ABCA13: variants seen among roughly 807,000 people sequenced by gnomAD.
ABCA13 encodes ATP binding cassette subfamily A member 13.
ABCA13 carries 476 observed loss-of-function variants against 478.7 expected under a neutral mutation model. That is an observed-to-expected ratio of 0.99 (90% CI 0.92 to 1.07). The LOEUF (loss-of-function observed/expected upper bound fraction) is 1.07, where lower values mean the gene tolerates loss of function less well. Ranked by LOEUF, ABCA13 falls within the 50% of genes least tolerant of loss-of-function variation. ABCA13 has a pLI of 0.00. For missense variants in ABCA13, 6,060 were observed against 5,910.6 expected (o/e 1.03, Z -0.83); for synonymous variants, 2,252 against 2,158.9 (o/e 1.04, Z -1.20).
chr7:48,556,710 G>T (rs1785867322), intron 55 of ABCA13, among the ~76,000 whole-genome samples: 1 of 151,752 alleles, frequency 6.6e-6, no homozygotes, highest in African/African-American at 2.4e-5. Context: ...TAGGAAAAAT[G>T]TATTTCTTGT....
At chr7:48,201,190 T>C (rs568586790) in intron 3 of ABCA13, among the ~76,000 whole-genome samples, 1 of 152,328 alleles carries the variant, frequency 6.6e-6, no homozygotes, top group South Asian at 2.1e-4. Context: ...AGTATAGCAA[T>C]GGCGGTTTCC....
At chr7:48,501,498 A>G (rs755463614) in intron 48 of ABCA13, among the ~76,000 whole-genome samples, 1 of 152,156 alleles carries the variant, frequency 6.6e-6, no homozygotes, top group Non-Finnish European at 1.5e-5. Context: ...TGTAAATTAT[A>G]GGACTCTAAA....
In ABCA13 at chr7:48,412,583, G is replaced by GGTAC; in HGVS notation, c.12459+1_12459+4dup. On this transcript the variant is annotated frameshift_variant and splice_region_variant. Coordinates refer to ENST00000435803, the MANE Select transcript of ABCA13 (RefSeq NM_152701.5). LOFTEE classifies it high-confidence loss of function. ...GGATCTCAGACACCACCTTAGAAGAGGTACTGAGAAAACTGAAGCGTGCTT... is the reference window on the plus strand; with the variant it reads ...GGATCTCAGACACCACCTTAGAAGAGGTACGTACTGAGAAAACTGAAGCGTGCTT... 6.3e-7 allele frequency: 1 copy of GGTAC among 1,591,096 alleles called. No homozygotes were observed. Among genetic ancestry groups the GGTAC allele is most frequent in the Non-Finnish European group, 8.6e-7 (1 of 1,168,912 alleles).
chr7:48,391,994 C>T lies in ABCA13; in HGVS notation c.11728C>T (p.Leu3910=). The T allele has an allele frequency of 6.2e-7, 1 of 1,613,988 alleles. No individual in the cohort carries two copies. Among genetic ancestry groups the T allele is most frequent in the South Asian group, 1.1e-5 (1 of 91,088 alleles). The change falls in exon 38 of 62, where the codon CTG becomes TTG. Residue 3910 remains leucine (L), a synonymous_variant. Coordinates refer to ENST00000435803, the MANE Select transcript of ABCA13 (RefSeq NM_152701.5). ...CAATGGCAAGAACCTACAGACAGAC[C>T]TGTCGAGGGTCAGAATGGAGCTTGG... ...IINGKNLQTD[L]SRVRMELGVC...
At chr7:48,413,609 A>G (rs1352514647) in intron 41 of ABCA13, among the ~76,000 whole-genome samples, 4 of 152,146 alleles carry the variant, frequency 2.6e-5, no homozygotes, top group East Asian at 1.9e-4. Context: ...AATTTTTAAA[A>G]ATCTGCAAAA....
chr7:48,623,848 C>T (rs1793395099), intron 59 of ABCA13, among the ~76,000 whole-genome samples: 1 of 152,236 alleles, frequency 6.6e-6, no homozygotes, highest in African/African-American at 2.4e-5. Context: ...TTTCTGTTCC[C>T]AAGGAAGATA....
At position 48,240,968 on chromosome 7, in the gene ABCA13, G is replaced by C. The variant is rs760059835; in HGVS notation, c.1164G>C (p.Lys388Asn). 24 of 1,613,890 alleles carry C rather than the reference G, an allele frequency of 1.5e-5. No individual in the cohort carries two copies. Among genetic ancestry groups the C allele is most frequent in the Non-Finnish European group, 2.0e-5 (24 of 1,179,782 alleles). ...GGAATCAGTTTGAAGAAGAGAGCAA[G>C]CCCTGGAAGGTGGTGGAAGCTCTGC... ...ALRNQFEEESKPWKVVEALHT... is the reference protein window; with the variant it reads ...ALRNQFEEESNPWKVVEALHT... The change falls in exon 10 of 62, where the codon AAG (lysine) becomes AAC (asparagine). Residue 388 changes from lysine (K) to asparagine (N), a missense_variant. Physicochemically the swap from Lys to Asn is moderately conservative, Grantham distance 94. Coordinates refer to ENST00000435803, the MANE Select transcript of ABCA13 (RefSeq NM_152701.5).
intron 57 of ABCA13, 87 bp from the exon 58 acceptor site, chr7:48,594,623 C>A: frequency 7.9e-7 from 1 of 1,260,220 alleles, no homozygotes; most frequent in Non-Finnish European, 1.2e-6. Flanking sequence ...ATTTTTCTTT[C>A]ACCTGGGGTC....
chr7:48,578,147 C>T (rs1788367130), intron 55 of ABCA13, among the ~76,000 whole-genome samples: 1 of 152,110 alleles, frequency 6.6e-6, no homozygotes, highest in African/African-American at 2.4e-5. Context: ...CTACCTTTCT[C>T]CTAAGTTTGG....
chr7:48,592,508 T>C (rs1789862537), intron 57 of ABCA13, among the ~76,000 whole-genome samples: 1 of 151,920 alleles, frequency 6.6e-6, no homozygotes, highest in Non-Finnish European at 1.5e-5. Context: ...TGGTCTCTCC[T>C]GGAGAGTATT....
At position 48,489,364 on chromosome 7, in the gene ABCA13, A is replaced by G; in HGVS notation, c.13291+20A>G. 3 of 1,533,520 alleles carry G rather than the reference A, an allele frequency of 2.0e-6. No homozygotes were observed. Among genetic ancestry groups the G allele is most frequent in the Non-Finnish European group, 1.8e-6 (2 of 1,118,132 alleles). The allele number at this position is 1,533,520 out of a possible 1,614,324, so 95.0% of individuals were successfully genotyped here. On this transcript the variant is annotated intron_variant, in intron 48 of 61. Coordinates refer to ENST00000435803, the MANE Select transcript of ABCA13 (RefSeq NM_152701.5). ...AATACGGTAATGTTATTTTTCATGC[A>G]TTGTAATTCACTACTTTCAAAAGAC...
chr7:48,462,867 A>G (rs1416192510), intron 43 of ABCA13, among the ~76,000 whole-genome samples: 1 of 151,518 alleles, frequency 6.6e-6, no homozygotes, highest in East Asian at 1.9e-4. Context: ...TTTTTCCTTT[A>G]CCTCCTTTTA....
intron 23 of ABCA13, among the ~76,000 whole-genome samples, chr7:48,301,128 G>A (rs1800093231): frequency 6.6e-6 from 1 of 152,156 alleles, no homozygotes; most frequent in Non-Finnish European, 1.5e-5. Flanking sequence ...AGTCCTCAGT[G>A]GATTCATTCT....
chr7:48,218,384 T>C (rs939551040), intron 3 of ABCA13, among the ~76,000 whole-genome samples: 4 of 152,176 alleles, frequency 2.6e-5, no homozygotes, highest in African/African-American at 7.2e-5. Context: ...AAGGCCACAC[T>C]TAAAAGGTAA....
chr7:48,561,845 C>T (rs1410727015), intron 55 of ABCA13, among the ~76,000 whole-genome samples: 3 of 151,454 alleles, frequency 2.0e-5, no homozygotes, highest in Admixed American at 1.3e-4. Context: ...TTTTTTCCTA[C>T]GAATGTTATA....
At chr7:48,327,363 A>C (rs919630534) in intron 27 of ABCA13, among the ~76,000 whole-genome samples, 7 of 152,190 alleles carry the variant, frequency 4.6e-5, no homozygotes, top group Non-Finnish European at 1.0e-4. Flanking sequence ...CCCGTTATTT[A>C]ATTACCTCCC....
At chr7:48,198,790 G>T (rs1035717757) in intron 3 of ABCA13, among the ~76,000 whole-genome samples, 14 of 152,144 alleles carry the variant, frequency 9.2e-5, no homozygotes, top group African/African-American at 3.1e-4. Context: ...AAATAAAACT[G>T]GGCAGTAACT....
At chr7:48,296,704 C>T (rs1002406946) in intron 21 of ABCA13, among the ~76,000 whole-genome samples, 6 of 152,034 alleles carry the variant, frequency 3.9e-5, no homozygotes, top group African/African-American at 1.2e-4. Context: ...CCTCATGATC[C>T]GCCCCCTTCG....
intron 15 of ABCA13, among the ~76,000 whole-genome samples, chr7:48,253,510 G>A (rs1792897684): frequency 6.6e-6 from 1 of 152,154 alleles, no homozygotes; most frequent in Admixed American, 6.5e-5. Context: ...GATTTACCTG[G>A]TTGTTGCATC....
Sources: allele counts gnomAD v4.1 joint callset (sites outside exome capture counted in the v4.1 genomes callset), GRCh38; gene constraint gnomAD v4.1.1; transcripts MANE v1.5; gene names NCBI Gene and HGNC (gene_info 2026-07-23, HGNC 2026-07-21).